The following LPGAT1 variants were observed in gnomAD, a reference collection of about 807,000 sequenced individuals.
LPGAT1 encodes the protein acyl-CoA:lysophosphatidylglycerol acyltransferase 1.
In LPGAT1, 11 loss-of-function variants were observed where a neutral mutation model predicts 47.5. The ratio of observed to expected loss-of-function variants is 0.23; its 90% CI spans 0.15 to 0.38. The LOEUF (loss-of-function observed/expected upper bound fraction) is 0.38, where lower values mean the gene tolerates loss of function less well. Among genes scored for constraint, LPGAT1 ranks in the 10% least tolerant of loss-of-function variants. The pLI is 1.00. For synonymous variants in LPGAT1, 138 were observed against 144.2 expected (o/e 0.96, Z 0.31); for missense variants, 293 against 439.0 (o/e 0.67, Z 2.97).
chr1:211,814,212 C>T (rs985475542), intron 2 of LPGAT1, among the ~76,000 whole-genome samples: 3 of 152,156 alleles, frequency 2.0e-5, no homozygotes, highest in Non-Finnish European at 4.4e-5. Flanking sequence ...TTCCTGACCC[C>T]CTGAGATAAC....
intron 6 of LPGAT1, among the ~76,000 whole-genome samples, chr1:211,752,911 G>A (rs1312471747): frequency 6.6e-6 from 1 of 151,358 alleles, no homozygotes; most frequent in Non-Finnish European, 1.5e-5. Flanking sequence ...ATACTATCCT[G>A]TCACAACTAC....
intron 2 of LPGAT1, among the ~76,000 whole-genome samples, chr1:211,810,830 A>C (rs1361359106): frequency 6.6e-6 from 1 of 152,206 alleles, no homozygotes; most frequent in African/African-American, 2.4e-5. Flanking sequence ...TGGTACTGAG[A>C]AGAAGAGGAA....
rs544384516 is a variant in LPGAT1 at position 211,828,154 on chromosome 1, G to A, written c.238+905C>T. Among the ~76,000 whole-genome samples the A allele has an allele frequency of 7.9e-3, 1,210 of 152,274 alleles. 21 individuals carry two copies. The highest frequency in any genetic ancestry group is 0.027 in the African/African-American group (1,128 of 41,548). ...TGAACTACAGCCTCTACTGACCACA[G>A]CATCTGCATGATCTTCAAGGAGCCT... On this transcript the variant is annotated intron_variant, in intron 2 of 7. Coordinates refer to ENST00000366997, the MANE Select transcript of LPGAT1 (RefSeq NM_014873.3).
In LPGAT1 at chr1:211,747,350, C is replaced by T. The variant is rs577961286; in HGVS notation, c.*2549G>A. ...ATCAAATACACATCTATTTACAACT[C>T]ACGGAGATATTTAAAAAAATTAACT... On this transcript the variant is annotated 3_prime_UTR_variant, in exon 8 of 8. Transcript: ENST00000366997. 1 of 152,230 alleles carries T rather than the reference C, an allele frequency of 6.6e-6. No individual in the cohort carries two copies. Among genetic ancestry groups the T allele is most frequent in the East Asian group, 1.9e-4 (1 of 5,178 alleles). The allele number at this position is 152,230 out of a possible 1,614,324, so 9.4% of individuals were successfully genotyped here. A position where few individuals can be genotyped will look rare whatever the true frequency, so the allele number is the denominator to read the frequency against.
At chr1:211,753,592 T>A (rs1353480947) in intron 6 of LPGAT1, among the ~76,000 whole-genome samples, 1 of 152,234 alleles carries the variant, frequency 6.6e-6, no homozygotes, top group Non-Finnish European at 1.5e-5. Flanking sequence ...CAATATCTTA[T>A]GTTTATAATA....
At chr1:211,784,784 A>G (rs1261971645) in intron 4 of LPGAT1, among the ~76,000 whole-genome samples, 1 of 150,932 alleles carries the variant, frequency 6.6e-6, no homozygotes, top group African/African-American at 2.4e-5. Context: ...GCTTACAACT[A>G]AATATCACAA....
At chr1:211,819,026 G>A (rs1660272958) in intron 2 of LPGAT1, among the ~76,000 whole-genome samples, 2 of 152,122 alleles carry the variant, frequency 1.3e-5, no homozygotes, top group South Asian at 2.1e-4. Context: ...ATAGGATGGT[G>A]GCAGTGCTAT....
At chr1:211,789,764 G>A (rs965264856) in intron 3 of LPGAT1, among the ~76,000 whole-genome samples, 1 of 151,474 alleles carries the variant, frequency 6.6e-6, no homozygotes, top group Admixed American at 6.6e-5. Flanking sequence ...CAGCTACTCA[G>A]GAGAACTGAG....
chr1:211,821,788 T>A (rs541990551), intron 2 of LPGAT1, among the ~76,000 whole-genome samples: 9 of 152,240 alleles, frequency 5.9e-5, no homozygotes, highest in African/African-American at 2.2e-4. Flanking sequence ...GAACTAAGAA[T>A]ATTAAAGTAA....
At chr1:211,772,863 T>C (rs1415031799) in intron 6 of LPGAT1, among the ~76,000 whole-genome samples, 1 of 152,188 alleles carries the variant, frequency 6.6e-6, no homozygotes, top group African/African-American at 2.4e-5. Context: ...TTTGTTGTCT[T>C]AGGGAGTAAG....
chr1:211,791,718 G>GTTTCCCTGCTTT (rs1553310593), intron 3 of LPGAT1, among the ~76,000 whole-genome samples: 4 of 140,584 alleles, frequency 2.8e-5, no homozygotes, highest in Admixed American at 7.7e-5. Context: ...CTGCACTCCA[G>GTTTCCCTGCTTT]CCTGGGCAAC....
chr1:211,815,773 CTTT>C (rs938719098), intron 2 of LPGAT1, among the ~76,000 whole-genome samples: 1 of 101,840 alleles, frequency 9.8e-6, no homozygotes, highest in Non-Finnish European at 2.0e-5. Context: ...AAATGCTTTT[CTTT>C]TTTTTTTTTT....
At chr1:211,817,008 CAG>C (rs1660196461) in intron 2 of LPGAT1, among the ~76,000 whole-genome samples, 1 of 152,168 alleles carries the variant, frequency 6.6e-6, no homozygotes, top group Non-Finnish European at 1.5e-5. Context: ...CTGCTCAATT[CAG>C]AGTCTCATAT....
chr1:211,800,930 C>T (rs1486818856), intron 2 of LPGAT1, among the ~76,000 whole-genome samples: 1 of 152,212 alleles, frequency 6.6e-6, no homozygotes, highest in Middle Eastern at 3.2e-3. Context: ...GAACAATCTC[C>T]TCTAGGGAAT....
rs189408532 is a variant in LPGAT1 at position 211,748,043 on chromosome 1, C to T, written c.*1856G>A. On this transcript the variant is annotated 3_prime_UTR_variant, in exon 8 of 8. Transcript: ENST00000366997. Reference sequence around the variant, plus strand: ...TGGGCTTTTATTTGGTGTTGCTTTACCTTTCCCACATAACTGGGGAAAATT... The same window carrying T: ...TGGGCTTTTATTTGGTGTTGCTTTATCTTTCCCACATAACTGGGGAAAATT... The T allele has an allele frequency of 4.8e-4, 73 of 152,626 alleles. 1 individual carries two copies. The highest frequency in any genetic ancestry group is 1.5e-3 in the African/African-American group (64 of 41,540). 9.5% of individuals were successfully genotyped at this position (152,626 alleles called of 1,614,324 possible). A position where few individuals can be genotyped will look rare whatever the true frequency, so the allele number is the denominator to read the frequency against.
chr1:211,755,381 G>C (rs1204317704), intron 6 of LPGAT1, among the ~76,000 whole-genome samples: 1 of 151,276 alleles, frequency 6.6e-6, no homozygotes, highest in Non-Finnish European at 1.5e-5. Flanking sequence ...TTATAGTATA[G>C]ATAGTAGAAC....
At chr1:211,774,132 C>CTTTTTTTTTTTTTTTTTTTTTTTTTTT (rs67342051) in intron 6 of LPGAT1, among the ~76,000 whole-genome samples, 1 of 66,820 alleles carries the variant, frequency 1.5e-5, no homozygotes, top group Non-Finnish European at 2.4e-5. Context: ...TTTTAAAAGT[C>CTTTTTTTTTTTTTTTTTTTTTTTTTTT]TTTTTTTTTT....
rs1165872766 is a variant in LPGAT1 at position 211,749,399 on chromosome 1, A to G, written c.*500T>C. ...AGACTGGAGTTTGTTACTGCAACAG[A>G]CTGGAGTTTGTTACTGCAAACGACA... is the stretch of plus-strand genomic sequence containing the variant. On this transcript the variant is annotated 3_prime_UTR_variant, in exon 8 of 8. Transcript: ENST00000366997. The G allele has an allele frequency of 6.3e-6, 1 of 158,928 alleles. No homozygotes were observed. The highest frequency in any genetic ancestry group is 1.9e-4 in the East Asian group (1 of 5,258). The allele number at this position is 158,928 out of a possible 1,614,324, so 9.8% of individuals were successfully genotyped here.
intron 2 of LPGAT1, among the ~76,000 whole-genome samples, chr1:211,794,020 C>T (rs1299227917): frequency 2.0e-5 from 3 of 152,116 alleles, no homozygotes; most frequent in Non-Finnish European, 4.4e-5. Flanking sequence ...GGAATACCAT[C>T]CATGTGTTGT....
Sources: allele counts gnomAD v4.1 joint callset (sites outside exome capture counted in the v4.1 genomes callset), GRCh38; gene constraint gnomAD v4.1.1; transcripts MANE v1.5; gene names NCBI Gene and HGNC (gene_info 2026-07-23, HGNC 2026-07-21).